The following RSRC1 variants were observed in gnomAD, a reference collection of about 807,000 sequenced individuals.
RSRC1 encodes the protein serine/Arginine-related protein 53.
RSRC1 carries 39 observed loss-of-function variants against 49.1 expected under a neutral mutation model. The observed-to-expected ratio is 0.79, with a 90% CI of 0.61 to 1.04. The LOEUF (loss-of-function observed/expected upper bound fraction) is 1.04, where lower values mean the gene tolerates loss of function less well. Ranked by LOEUF, RSRC1 falls within the 50% of genes least tolerant of loss-of-function variation. The pLI is 0.00. For missense variants in RSRC1, 388 were observed against 402.4 expected (o/e 0.96, Z 0.31); for synonymous variants, 143 against 130.8 (o/e 1.09, Z -0.63).
intron 4 of RSRC1, among the ~76,000 whole-genome samples, chr3:158,244,112 G>A (rs115069746): frequency 0.017 from 2,588 of 152,012 alleles, 92 homozygotes; most frequent in African/African-American, 0.059. Flanking sequence ...TGAATGTCCT[G>A]TATTTCTTTC....
At chr3:158,144,605 G>T (rs1045579703) in intron 3 of RSRC1, among the ~76,000 whole-genome samples, 1 of 152,168 alleles carries the variant, frequency 6.6e-6, no homozygotes, top group African/African-American at 2.4e-5. Flanking sequence ...ACATGTGCAT[G>T]TGTCTTTATA....
chr3:158,195,621 A>G (rs530548853), intron 3 of RSRC1, among the ~76,000 whole-genome samples: 6 of 152,066 alleles, frequency 3.9e-5, no homozygotes, highest in African/African-American at 4.8e-5. Context: ...TAGGGTTTTT[A>G]TGGTTTTAGG....
chr3:158,311,711 A>G (rs1728138434), intron 5 of RSRC1, among the ~76,000 whole-genome samples: 1 of 152,026 alleles, frequency 6.6e-6, no homozygotes, highest in African/African-American at 2.4e-5. Flanking sequence ...GTAGATCTTA[A>G]ATACTCTTAC....
chr3:158,330,190 G>A (rs1301555596), intron 5 of RSRC1, among the ~76,000 whole-genome samples: 2 of 152,162 alleles, frequency 1.3e-5, no homozygotes, highest in Admixed American at 1.3e-4. Context: ...CCTGGATGAG[G>A]CGATGCCTCG....
chr3:158,291,359 G>A (rs2108104020), intron 4 of RSRC1, among the ~76,000 whole-genome samples: 1 of 152,174 alleles, frequency 6.6e-6, no homozygotes, highest in South Asian at 2.1e-4. Flanking sequence ...TGTGATTTAT[G>A]GTTTATGAGT....
In RSRC1 at chr3:158,354,895, T is replaced by C; in HGVS notation, c.570T>C (p.Val190=). ...AGGCCAAAGCCAGACTACAGCTGGT[T>C]CTTGAAGCTGCTGGTAAGTGTTGAT... is the stretch of plus-strand genomic sequence containing the variant. ...AEQAKARLQL[V]LEAAAKADEA... is the part of the protein sequence containing the mutation. Residue 190 remains valine (V), a synonymous_variant, in exon 6 of 10, where the codon GTT becomes GTC. Coordinates refer to ENST00000611884, the MANE Select transcript of RSRC1 (RefSeq NM_001271838.2). 2 of 1,549,026 alleles carry C rather than the reference T, an allele frequency of 1.3e-6. No individual in the cohort carries two copies. Among genetic ancestry groups the C allele is most frequent in the East Asian group, 4.8e-5 (2 of 41,694 alleles).
At chr3:158,502,820 C>T (rs1739664537) in intron 7 of RSRC1, among the ~76,000 whole-genome samples, 1 of 152,150 alleles carries the variant, frequency 6.6e-6, no homozygotes, top group African/African-American at 2.4e-5. Flanking sequence ...TGGTACCTCC[C>T]TGATTAGCTT....
chr3:158,241,861 A>G (rs188061316), intron 4 of RSRC1, among the ~76,000 whole-genome samples: 2 of 152,104 alleles, frequency 1.3e-5, no homozygotes, highest in African/African-American at 4.8e-5. Flanking sequence ...AATTTTACCT[A>G]TATAAAAACA....
intron 4 of RSRC1, among the ~76,000 whole-genome samples, chr3:158,223,051 C>A (rs1396071042): frequency 1.3e-5 from 2 of 151,730 alleles, no homozygotes; most frequent in Non-Finnish European, 2.9e-5. Context: ...CTGAAACCTC[C>A]ATTGTCAAGT....
chr3:158,478,066 T>C (rs1738459726), intron 7 of RSRC1, among the ~76,000 whole-genome samples: 1 of 151,100 alleles, frequency 6.6e-6, no homozygotes, highest in African/African-American at 2.4e-5. Flanking sequence ...TCTCTAAATA[T>C]TAAAAATAAT....
chr3:158,275,869 A>T, intron 4 of RSRC1: 2 of 611,346 alleles, frequency 3.3e-6, no homozygotes, highest in Non-Finnish European at 5.8e-6. Context: ...GGCTAGAACC[A>T]CTAATTGTGT....
Position 158,123,880 on chromosome 3 carries a change from C to A in RSRC1, c.209C>A (p.Ser70Ter). The change falls in exon 3 of 10, where the codon TCA becomes TAA. Residue 70 changes from serine to a stop codon, truncating the protein, a stop_gained. Coordinates refer to ENST00000611884, the MANE Select transcript of RSRC1 (RefSeq NM_001271838.2). LOFTEE classifies it high-confidence loss of function. ...HSYDRRRRHR[S>*]SSSSSYGSRR... is the part of the protein sequence containing the mutation. ...TTTTATTTCAGACGCAGGCATCGAT[C>A]AAGCAGTAGCTCTTCTTATGGCTCC... 6.2e-7 allele frequency: 1 copy of A among 1,609,856 alleles called. No homozygotes were observed.
At chr3:158,451,450 TG>T (rs1371783471) in intron 6 of RSRC1, among the ~76,000 whole-genome samples, 1 of 151,980 alleles carries the variant, frequency 6.6e-6, no homozygotes, top group Non-Finnish European at 1.5e-5. Context: ...CTAGTGAGTT[TG>T]GGGGGTATCT....
intron 7 of RSRC1, among the ~76,000 whole-genome samples, chr3:158,511,048 T>A (rs1740141232): frequency 6.6e-6 from 1 of 152,178 alleles, no homozygotes; most frequent in South Asian, 2.1e-4. Context: ...AGGTTTTCTT[T>A]AGTATCTGTT....
At chr3:158,240,878 G>A (rs827171) in intron 4 of RSRC1, among the ~76,000 whole-genome samples, 68,324 of 151,936 alleles carry the variant, frequency 0.45, 15,698 homozygotes, top group East Asian at 0.64. Flanking sequence ...CACAAGAAGG[G>A]TGAATACAAT....
chr3:158,180,634 T>C (rs1001100423), intron 3 of RSRC1, among the ~76,000 whole-genome samples: 12 of 150,828 alleles, frequency 8.0e-5, no homozygotes, highest in African/African-American at 2.9e-4. Context: ...TCCAGCTAAT[T>C]TTTGCATTTT....
intron 5 of RSRC1, among the ~76,000 whole-genome samples, chr3:158,323,764 T>C (rs1728898733): frequency 6.6e-6 from 1 of 152,234 alleles, no homozygotes; most frequent in South Asian, 2.1e-4. Context: ...TATTTCCTAA[T>C]GCTCTGAAGT....
At chr3:158,527,893 G>A (rs182331024) in intron 7 of RSRC1, among the ~76,000 whole-genome samples, 1 of 151,870 alleles carries the variant, frequency 6.6e-6, no homozygotes, top group Non-Finnish European at 1.5e-5. Context: ...TTTATCATGA[G>A]AAATCATAAC....
chr3:158,529,321 T>C (rs116704922), intron 7 of RSRC1, among the ~76,000 whole-genome samples: 1 of 151,584 alleles, frequency 6.6e-6, no homozygotes, highest in Admixed American at 6.6e-5. Context: ...ATTTATTACT[T>C]ATTATAAATG....
Sources: gnomAD v4.1 joint callset for allele counts (sites outside exome capture counted in the v4.1 genomes callset) on GRCh38, gnomAD v4.1.1 for gene constraint, MANE v1.5 for transcripts, NCBI Gene and HGNC (gene_info 2026-07-23, HGNC 2026-07-21) for gene names.